The following CASP9 variants were observed in gnomAD, a reference collection of about 807,000 sequenced individuals.
CASP9 encodes the protein caspase 9.
Under a neutral mutation model 43.5 loss-of-function variants are expected in CASP9, and 29 were observed. The observed-to-expected ratio is 0.67, with a 90% CI of 0.50 to 0.91. CASP9 has a LOEUF of 0.91. CASP9 is among the 40% of genes least tolerant of loss of function. The pLI, the probability that CASP9 is intolerant of heterozygous loss-of-function variation, is 0.00. For missense variants in CASP9, 575 were observed against 537.4 expected (o/e 1.07, Z -0.69); for synonymous variants, 206 against 211.9 (o/e 0.97, Z 0.24).
intron 2 of CASP9, among the ~76,000 whole-genome samples, chr1:15,510,462 C>T (rs1442717409): frequency 6.6e-6 from 1 of 152,206 alleles, no homozygotes; most frequent in East Asian, 1.9e-4. Flanking sequence ...AGACTTCATT[C>T]TGAGAACATT....
intron 2 of CASP9, among the ~76,000 whole-genome samples, chr1:15,517,021 G>A (rs894716309): frequency 6.6e-6 from 1 of 152,130 alleles, no homozygotes; most frequent in African/African-American, 2.4e-5. Context: ...CACTCCGAAC[G>A]GTGCCTGGCA....
rs1336270370 is a variant in CASP9, at chr1:15,506,459, GC to G, written c.631-381del. On this transcript the variant is annotated intron_variant, in intron 4 of 8. Transcript: ENST00000333868. Reference sequence around the variant, plus strand: ...TGACAGAGTGGGACTCTGTGCCCCCGCCCCCCCCAAAAAATAAAACAACAAA... The same window carrying G: ...TGACAGAGTGGGACTCTGTGCCCCCGCCCCCCCAAAAAATAAAACAACAAA... Among the ~76,000 whole-genome samples the G allele has an allele frequency of 4.0e-5, 6 of 149,852 alleles. No individual in the cohort carries two copies. In the East Asian group the frequency reaches 1.2e-3, roughly 29 times the overall value.
intron 2 of CASP9, among the ~76,000 whole-genome samples, chr1:15,513,961 T>C (rs993655493): frequency 3.3e-5 from 5 of 152,162 alleles, no homozygotes; most frequent in African/African-American, 9.7e-5. Flanking sequence ...AAACAATTAA[T>C]ACATGTGAGG....
rs143606656 is a variant in CASP9 at position 15,506,944 on chromosome 1, G to A, written c.585C>T (p.Ser195=). ...TCACCTCCACCATGAAATGCAGCGA[G>A]GAGAAGCGACGCCGCAACTTCTCAC... The part of the protein sequence containing the change: ...IDCEKLRRRF[S]SLHFMVEVKG... Residue 195 remains serine, a synonymous_variant, in exon 4 of 9, where the codon TCC becomes TCT. Coordinates refer to ENST00000333868, the MANE Select transcript of CASP9 (RefSeq NM_001229.5). 23 of 1,614,024 alleles carry A rather than the reference G, an allele frequency of 1.4e-5. No individual in the cohort carries two copies. Among genetic ancestry groups the A allele is most frequent in the Non-Finnish European group, 1.7e-5 (20 of 1,180,008 alleles).
chr1:15,524,214 C>A lies in CASP9; in HGVS notation c.-14G>T. On this transcript the variant is annotated 5_prime_UTR_variant, in exon 1 of 9. Transcript: ENST00000333868. ...CGCTTCGTCCATGGCGAGTAGCCAA[C>A]TAAGACTCCAGGCCGCCTCAGTCCG... 3.9e-6 allele frequency: 6 copies of A among 1,539,818 alleles called. No homozygotes were observed. The highest frequency in any genetic ancestry group is 4.4e-6 in the Non-Finnish European group (5 of 1,147,808).
At chr1:15,508,926 G>C (rs1013175883) in intron 2 of CASP9, among the ~76,000 whole-genome samples, 1 of 152,236 alleles carries the variant, frequency 6.6e-6, no homozygotes, top group African/African-American at 2.4e-5. Context: ...TGGCCAGGTA[G>C]AGAACCCATC....
At chr1:15,505,960 C>T (rs1385792129) in intron 5 of CASP9, 30 bp downstream of exon 5, 1 of 1,571,260 alleles carries the variant, frequency 6.4e-7, no homozygotes, top group East Asian at 2.2e-5. Context: ...TACCCAATGC[C>T]TGCCCAGGGA....
intron 2 of CASP9, among the ~76,000 whole-genome samples, chr1:15,510,365 C>T (rs1332992273): frequency 6.6e-5 from 10 of 152,200 alleles, no homozygotes; most frequent in Admixed American, 6.5e-5. Context: ...TTAAAGGCCA[C>T]AGCAGAAAAG....
intron 2 of CASP9, among the ~76,000 whole-genome samples, chr1:15,515,523 C>G (rs1709916129): frequency 6.6e-6 from 1 of 152,200 alleles, no homozygotes; most frequent in African/African-American, 2.4e-5. Flanking sequence ...ACCCACATGT[C>G]CATCAATAGG....
rs745756690 is a variant in CASP9 at position 15,507,036 on chromosome 1, T to A, written c.493A>T (p.Ile165Phe). ...CGGCAGAAGTTCACATTGTTGATAATGAGGCAGTGGCCACAGGGCTCCATG... is the reference window on the plus strand; with the variant it reads ...CGGCAGAAGTTCACATTGTTGATAAAGAGGCAGTGGCCACAGGGCTCCATG... Reference protein sequence around the residue: ...LSMEPCGHCLIINNVNFCRES... With the variant: ...LSMEPCGHCLFINNVNFCRES... Residue 165 changes from isoleucine to phenylalanine, a missense_variant, in exon 4 of 9, where the codon ATT becomes TTT. Coordinates refer to ENST00000333868, the MANE Select transcript of CASP9 (RefSeq NM_001229.5). The A allele has an allele frequency of 1.2e-6, 2 of 1,614,184 alleles. No homozygotes were observed. Among genetic ancestry groups the A allele is most frequent in the Middle Eastern group, 3.3e-4 (2 of 6,062 alleles).
chr1:15,516,268 T>C (rs983748987), intron 2 of CASP9, among the ~76,000 whole-genome samples: 5 of 148,496 alleles, frequency 3.4e-5, no homozygotes, highest in Admixed American at 6.7e-5. Flanking sequence ...GATGGGAGGA[T>C]TGCTTGAGCC....
At chr1:15,495,715 C>G (rs1709082992) in intron 6 of CASP9, among the ~76,000 whole-genome samples, 1 of 152,208 alleles carries the variant, frequency 6.6e-6, no homozygotes, top group African/African-American at 2.4e-5. Flanking sequence ...AAGGAAATTC[C>G]TGGTGAGCTC....
chr1:15,507,176 G>C, intron 3 of CASP9, 101 bp from the exon 4 acceptor site: 3 of 1,355,232 alleles, frequency 2.2e-6, no homozygotes, highest in Non-Finnish European at 3.1e-6. Context: ...TCTCGCACAA[G>C]GAGTAGCAGG....
chr1:15,505,673 G>C (rs1195306216), intron 5 of CASP9, among the ~76,000 whole-genome samples: 1 of 152,166 alleles, frequency 6.6e-6, no homozygotes, highest in Non-Finnish European at 1.5e-5. Context: ...GACAGAGACA[G>C]GAGCTGAGAC....
intron 2 of CASP9, among the ~76,000 whole-genome samples, chr1:15,509,939 CT>C (rs945885826): frequency 6.6e-6 from 1 of 151,222 alleles, no homozygotes; most frequent in Non-Finnish European, 1.5e-5. Flanking sequence ...GATGTTTTTT[CT>C]TTTTTTTTGA....
At chr1:15,522,254 G>C (rs951922873) in intron 1 of CASP9, among the ~76,000 whole-genome samples, 1 of 152,204 alleles carries the variant, frequency 6.6e-6, no homozygotes, top group Non-Finnish European at 1.5e-5. Flanking sequence ...GCCAGGATGA[G>C]AGCCCAGATC....
chr1:15,518,056 G>A, intron 2 of CASP9, 54 bp downstream of exon 2: 2 of 1,574,810 alleles, frequency 1.3e-6, no homozygotes, highest in Non-Finnish European at 1.7e-6. Flanking sequence ...CTCATAGTGA[G>A]TCCCAAATGA....
At chr1:15,510,128 C>T (rs1459060372) in intron 2 of CASP9, among the ~76,000 whole-genome samples, 1 of 152,154 alleles carries the variant, frequency 6.6e-6, no homozygotes, top group Non-Finnish European at 1.5e-5. Context: ...TGGGGTTTCA[C>T]CATGTTAGCC....
intron 6 of CASP9, among the ~76,000 whole-genome samples, chr1:15,497,154 T>C (rs755202218): frequency 7.0e-6 from 1 of 143,106 alleles, no homozygotes; most frequent in Non-Finnish European, 1.5e-5. Context: ...TATTAAAAAA[T>C]ACAAAAATTA....
Sources: allele counts gnomAD v4.1 joint callset (sites outside exome capture counted in the v4.1 genomes callset), GRCh38; gene constraint gnomAD v4.1.1; transcripts MANE v1.5; gene names NCBI Gene and HGNC (gene_info 2026-07-23, HGNC 2026-07-21).